The following VPS13B variants were observed in gnomAD, a reference collection of about 807,000 sequenced individuals.
The protein encoded by VPS13B is intermembrane lipid transfer protein VPS13B.
Under a neutral mutation model 426.4 loss-of-function variants are expected in VPS13B, and 285 were observed. The ratio of observed to expected loss-of-function variants is 0.67; its 90% CI spans 0.61 to 0.74. VPS13B has a LOEUF of 0.74. Among genes scored for constraint, VPS13B ranks in the 30% least tolerant of loss-of-function variants. The probability of loss-of-function intolerance (pLI) is 0.00; values close to 1 mark genes in which losing one functional copy is unlikely to be tolerated. For synonymous variants in VPS13B, 1,676 were observed against 1,676.4 expected, an observed-to-expected ratio of 1.00 and a Z score of 0.01; for missense variants, 4,537 against 4,782.6, an observed-to-expected ratio of 0.95 and a Z score of 1.51.
At chr8:99,808,816 TACATC>T (rs1813548331) in intron 43 of VPS13B, among the ~76,000 whole-genome samples, 1 of 151,174 alleles carries the variant, frequency 6.6e-6, no homozygotes, top group Non-Finnish European at 1.5e-5. Flanking sequence ...AAAGAACAAA[TACATC>T]ATATCTTACA....
At chr8:99,603,932 T>G (rs966360113) in intron 33 of VPS13B, among the ~76,000 whole-genome samples, 1 of 152,204 alleles carries the variant, frequency 6.6e-6, no homozygotes, top group African/African-American at 2.4e-5. Context: ...TTATTCTATT[T>G]AAATTTTAAC....
intron 43 of VPS13B, among the ~76,000 whole-genome samples, chr8:99,801,233 A>AT (rs1339318782): frequency 6.6e-6 from 1 of 152,048 alleles, no homozygotes; most frequent in Non-Finnish European, 1.5e-5. Flanking sequence ...TAAAACAATG[A>AT]TTTTTTTATT....
At chr8:99,151,453 G>T (rs1183885507) in intron 14 of VPS13B, among the ~76,000 whole-genome samples, 2 of 152,014 alleles carry the variant, frequency 1.3e-5, no homozygotes, top group African/African-American at 2.4e-5. Flanking sequence ...TTATACCCAA[G>T]GTCATCAGCT....
At chr8:99,661,223 C>T in intron 34 of VPS13B, 131 bp from the exon 35 acceptor site, 1 of 1,155,194 alleles carries the variant, frequency 8.7e-7, no homozygotes, top group South Asian at 1.3e-5. Flanking sequence ...TGTGCACAAA[C>T]AAATGAAACA....
At chr8:99,029,823 G>A (rs899832755) in intron 2 of VPS13B, among the ~76,000 whole-genome samples, 1 of 151,926 alleles carries the variant, frequency 6.6e-6, no homozygotes, top group African/African-American at 2.4e-5. Flanking sequence ...GAGGGAGAGG[G>A]AGAGGGAGAG....
Position 99,038,465 on chromosome 8 carries a change from G to A in VPS13B, c.190G>A (p.Glu64Lys), listed in dbSNP as rs1159124188. The A allele has an allele frequency of 6.2e-7, 1 of 1,609,344 alleles. No individual in the cohort carries two copies. Among genetic ancestry groups the A allele is most frequent in the Non-Finnish European group, 8.5e-7 (1 of 1,177,224 alleles). Residue 64 changes from glutamate to lysine, a missense_variant, in exon 3 of 62, where the codon GAA becomes AAA. By Grantham distance (56) the Glu-to-Lys change is moderately conservative. Transcript: ENST00000357162. ...CACTTTTTTAAGTGGACATATTCAT[G>A]AATTGAGGATTCATGTACCATGGAC... is the stretch of plus-strand genomic sequence containing the variant. ...PFTFLSGHIHELRIHVPWTKL... is the reference protein window; with the variant it reads ...PFTFLSGHIHKLRIHVPWTKL...
At chr8:99,748,397 G>T (rs976450299) in intron 39 of VPS13B, among the ~76,000 whole-genome samples, 3 of 151,986 alleles carry the variant, frequency 2.0e-5, no homozygotes, top group Non-Finnish European at 4.4e-5. Flanking sequence ...TCTTTGAGAG[G>T]CTTCTTTGTT....
At chr8:99,013,394 T>G (rs1345785946) in intron 1 of VPS13B, 47 bp downstream of exon 1, 7 of 303,642 alleles carry the variant, frequency 2.3e-5, no homozygotes, top group South Asian at 6.0e-5. Context: ...GGACGGGAGG[T>G]CTTCTAGCTT....
intron 39 of VPS13B, among the ~76,000 whole-genome samples, chr8:99,761,694 T>G (rs1260204185): frequency 6.6e-6 from 1 of 152,220 alleles, no homozygotes; most frequent in Non-Finnish European, 1.5e-5. Flanking sequence ...AACTTTATAT[T>G]CCGTTATTTG....
intron 29 of VPS13B, among the ~76,000 whole-genome samples, chr8:99,515,920 T>C (rs1462184878): frequency 1.3e-5 from 2 of 152,180 alleles, no homozygotes; most frequent in African/African-American, 4.8e-5. Context: ...ATACATTTTT[T>C]GTGTATTAAT....
rs144593881 is a variant in VPS13B at position 99,778,637 on chromosome 8, T to C, written c.7430-45T>C. ...TTTCACTCTTTATTTTCACAAAATA[T>C]TGGCTCATCTTAATTGCTGTTTTCC... On this transcript the variant is annotated intron_variant, in intron 41 of 61. Coordinates refer to ENST00000357162, the MANE Select transcript of VPS13B (RefSeq NM_152564.5). 4.6e-6 allele frequency: 7 copies of C among 1,528,672 alleles called. No homozygotes were observed. The East Asian group carries it at 1.4e-4, about 30-fold the overall frequency. 94.7% of individuals were successfully genotyped at this position (1,528,672 alleles called of 1,614,324 possible). A position where few individuals can be genotyped will look rare whatever the true frequency, so the allele number is the denominator to read the frequency against.
rs563830888 is a variant in VPS13B, at chr8:99,577,259, G to T, written c.5077-231G>T. 6.6e-5 allele frequency among the ~76,000 whole-genome samples: 10 copies of T among 152,214 alleles called. No homozygotes were observed. The East Asian group carries it at 1.7e-3, about 26-fold the overall frequency. The stretch of plus-strand genomic sequence containing the variant: ...AGGTGAAGACTTCTTATTGTTAGTT[G>T]TGTATATCTAGCACAAGGCCCAACA... On this transcript the variant is annotated intron_variant, in intron 32 of 61. Transcript: ENST00000357162.
At chr8:99,856,491 A>G (rs1248478045) in intron 56 of VPS13B, among the ~76,000 whole-genome samples, 1 of 152,210 alleles carries the variant, frequency 6.6e-6, no homozygotes, top group Non-Finnish European at 1.5e-5. Flanking sequence ...TGTCATGGAA[A>G]ACACCCTGAC....
chr8:99,249,712 C>T (rs1192369753), intron 17 of VPS13B, among the ~76,000 whole-genome samples: 1 of 152,122 alleles, frequency 6.6e-6, no homozygotes, highest in African/African-American at 2.4e-5. Context: ...TGTGAGCCAC[C>T]GCGCCCGGCC....
In VPS13B at chr8:99,193,993, CAT is replaced by C. The variant is rs371075082; in HGVS notation, c.2515+938_2515+939del. Among the ~76,000 whole-genome samples, 554 of 152,260 alleles carry C rather than the reference CAT, an allele frequency of 3.6e-3. 2 individuals carry two copies. The highest frequency in any genetic ancestry group is 0.012 in the African/African-American group (514 of 41,552). On this transcript the variant is annotated intron_variant, in intron 17 of 61. Coordinates refer to ENST00000357162, the MANE Select transcript of VPS13B (RefSeq NM_152564.5). ...TTACATTTCATATACACCTTATACACATAGTCTGAAGGTAATTTTATACGATA... is the reference window on the plus strand; with the variant it reads ...TTACATTTCATATACACCTTATACACAGTCTGAAGGTAATTTTATACGATA...
In VPS13B at chr8:99,597,025, A is replaced by C. The variant is rs75895603; in HGVS notation, c.5220+19392A>C. Among the ~76,000 whole-genome samples, 6 of 152,168 alleles carry C rather than the reference A, an allele frequency of 3.9e-5. No homozygotes were observed. In the East Asian group the frequency reaches 9.7e-4, roughly 25 times the overall value. Reference sequence around the variant, plus strand: ...AGATCCTAAAGTTCTATATCATATAATATGTCAGAAATAGTGTTAGCTTGC... The same window carrying C: ...AGATCCTAAAGTTCTATATCATATACTATGTCAGAAATAGTGTTAGCTTGC... On this transcript the variant is annotated intron_variant, in intron 33 of 61. Transcript: ENST00000357162.
intron 51 of VPS13B, among the ~76,000 whole-genome samples, chr8:99,830,387 T>C (rs1224009112): frequency 2.0e-5 from 3 of 152,148 alleles, no homozygotes; most frequent in African/African-American, 7.2e-5. Flanking sequence ...TCTGGAGGCT[T>C]TGTTTACACT....
At chr8:99,577,261 G>A (rs1825820340) in intron 32 of VPS13B, among the ~76,000 whole-genome samples, 1 of 152,116 alleles carries the variant, frequency 6.6e-6, no homozygotes, top group Non-Finnish European at 1.5e-5. Context: ...TGTTAGTTGT[G>A]TATATCTAGC....
intron 23 of VPS13B, among the ~76,000 whole-genome samples, chr8:99,463,145 G>A (rs1177023585): frequency 1.3e-5 from 2 of 152,152 alleles, no homozygotes; most frequent in East Asian, 1.9e-4. Flanking sequence ...AAACTATAGG[G>A]TAACTACTAA....
Sources: gnomAD v4.1 joint callset for allele counts (sites outside exome capture counted in the v4.1 genomes callset) on GRCh38, gnomAD v4.1.1 for gene constraint, MANE v1.5 for transcripts, NCBI Gene and HGNC (gene_info 2026-07-23, HGNC 2026-07-21) for gene names.